Variants in MYO9A observed in about 807,000 individuals in gnomAD.
The protein encoded by MYO9A is unconventional myosin-IXa.
In MYO9A, 103 loss-of-function variants were observed where a neutral mutation model predicts 293.3. That is an observed-to-expected ratio of 0.35 (90% CI 0.30 to 0.41). MYO9A has a LOEUF of 0.41. MYO9A is among the 10% of genes least tolerant of loss of function. MYO9A has a pLI of 1.00. For synonymous variants in MYO9A, 1,001 were observed against 1,035.7 expected (o/e 0.97, Z 0.64); for missense variants, 2,685 against 3,033.0 (o/e 0.89, Z 2.69).
At chr15:72,109,989 T>TAAA (rs56010336) in intron 1 of MYO9A, among the ~76,000 whole-genome samples, 1 of 140,746 alleles carries the variant, frequency 7.1e-6, no homozygotes, top group Non-Finnish European at 1.5e-5. Flanking sequence ...TCCCTTACAT[T>TAAA]AAAAAAAAAA....
Position 71,826,752 on chromosome 15 carries a change from G to A in MYO9A, c.7475C>T (p.Thr2492Ile). Residue 2492 changes from threonine (T) to isoleucine (I), a missense_variant, in exon 42 of 42, where the codon ACC becomes ATC. Physicochemically the swap from Thr to Ile is moderately conservative, Grantham distance 89. Coordinates refer to ENST00000356056, the MANE Select transcript of MYO9A (RefSeq NM_006901.4). ...TTGTTTGCCCTTTTCCGGGTTGAAG[G>A]TTCCTCTGCTGATGAACTGAGGCTT... Reference protein sequence around the residue: ...EDKPQFISRGTFNPEKGKQKL... With the variant: ...EDKPQFISRGIFNPEKGKQKL... The A allele has an allele frequency of 1.2e-6, 2 of 1,614,112 alleles. No homozygotes were observed. The highest frequency in any genetic ancestry group is 2.2e-5 in the East Asian group (1 of 44,880).
chr15:71,826,662 G>A lies in MYO9A; in HGVS notation c.7565C>T (p.Ser2522Phe), dbSNP rs375148658. The change falls in exon 42 of 42, where the codon TCT becomes TTT. Residue 2522 changes from serine (S) to phenylalanine (F), a missense_variant. Physicochemically the swap from Ser to Phe is radical, Grantham distance 155 (BLOSUM62 -2). Transcript: ENST00000356056. ...TKETPEGTVM[S>F]GRRKTVDPDC... ...TGGGTCCACAGTTTTTCTGCGGCCA[G>A]ACATGACTGTCCCCTCTGGGGTCTC... The A allele has an allele frequency of 1.3e-4, 206 of 1,613,790 alleles. No individual in the cohort carries two copies. The highest frequency in any genetic ancestry group is 1.7e-4 in the Non-Finnish European group (200 of 1,179,954).
chr15:72,101,068 G>A, intron 1 of MYO9A, among the ~76,000 whole-genome samples: 1 of 141,654 alleles, frequency 7.1e-6, no homozygotes, highest in East Asian at 2.3e-4. Flanking sequence ...GAGGGAGGTG[G>A]GGGGTTCAGC....
intron 1 of MYO9A, among the ~76,000 whole-genome samples, chr15:72,079,541 A>G (rs1301451384): frequency 3.3e-5 from 5 of 152,206 alleles, no homozygotes; most frequent in African/African-American, 1.2e-4. Context: ...CATATGGTCT[A>G]CAAGTGCATA....
intron 11 of MYO9A, among the ~76,000 whole-genome samples, chr15:71,980,364 A>C (rs931575086): frequency 6.6e-6 from 1 of 152,184 alleles, no homozygotes; most frequent in Admixed American, 6.5e-5. Flanking sequence ...CCCTATAGAC[A>C]TATCTCTCCA....
At chr15:72,024,397 C>T (rs2077599591) in intron 4 of MYO9A, among the ~76,000 whole-genome samples, 1 of 152,186 alleles carries the variant, frequency 6.6e-6, no homozygotes, top group Non-Finnish European at 1.5e-5. Flanking sequence ...CCTCTCACCT[C>T]AGCCTCCTAA....
At chr15:72,081,994 G>C (rs755910496) in intron 1 of MYO9A, among the ~76,000 whole-genome samples, 1 of 152,090 alleles carries the variant, frequency 6.6e-6, no homozygotes, top group Non-Finnish European at 1.5e-5. Flanking sequence ...TTTTTGCTTA[G>C]GATTGCCTTG....
At chr15:72,115,108 T>C (rs2080923761) in intron 1 of MYO9A, among the ~76,000 whole-genome samples, 1 of 152,262 alleles carries the variant, frequency 6.6e-6, no homozygotes, top group Admixed American at 6.5e-5. Flanking sequence ...ATATATTAGA[T>C]AGTGAATCTC....
At chr15:71,994,656 C>T (rs1236446132) in intron 9 of MYO9A, 71 bp from the exon 10 acceptor site, 2 of 807,772 alleles carry the variant, frequency 2.5e-6, no homozygotes, top group Non-Finnish European at 3.8e-6. Context: ...AAGTTGTTTG[C>T]TCCCATTCAA....
chr15:71,935,621 C>A, intron 16 of MYO9A, 137 bp from the exon 17 acceptor site: 1 of 770,592 alleles, frequency 1.3e-6, no homozygotes, highest in Non-Finnish European at 2.0e-6. Flanking sequence ...TGATTTCATC[C>A]AAATGACTGC....
Position 72,067,385 on chromosome 15 carries a change from C to T in MYO9A, c.-71-20751G>A, listed in dbSNP as rs1215488904. ...AGTCCAGTGGCGCAGTATCGACTCA[C>T]TGTAACCTCCGCCTCAGCCTCCCGA... On this transcript the variant is annotated intron_variant, in intron 1 of 41. Coordinates refer to ENST00000356056, the MANE Select transcript of MYO9A (RefSeq NM_006901.4). Among the ~76,000 whole-genome samples the T allele has an allele frequency of 3.9e-5, 6 of 152,044 alleles. No homozygotes were observed. The East Asian group carries it at 1.2e-3, about 29-fold the overall frequency.
chr15:72,069,123 A>G (rs895571432), intron 1 of MYO9A, among the ~76,000 whole-genome samples: 5 of 152,200 alleles, frequency 3.3e-5, no homozygotes, highest in South Asian at 4.1e-4. Flanking sequence ...GATAAGGTAT[A>G]TATCATATCT....
chr15:71,842,810 A>C (rs916359271), intron 39 of MYO9A, among the ~76,000 whole-genome samples: 3 of 151,202 alleles, frequency 2.0e-5, no homozygotes, highest in Non-Finnish European at 4.4e-5. Flanking sequence ...CAGTGAGCTG[A>C]GATAGCACCA....
rs751926364 is a variant in MYO9A at position 71,824,357 on chromosome 15, AT to A, written c.*2222del. On this transcript the variant is annotated 3_prime_UTR_variant, in exon 42 of 42. Coordinates refer to ENST00000356056, the MANE Select transcript of MYO9A (RefSeq NM_006901.4). ...ATTTTGCCAAAAAAGCCCCACAAAG[AT>A]TTAGAAGGAAGAACATGTGCCAACA... 1.3e-5 allele frequency: 2 copies of A among 152,178 alleles called. No homozygotes were observed. The highest frequency in any genetic ancestry group is 2.9e-5 in the Non-Finnish European group (2 of 68,036). The allele number at this position is 152,178 out of a possible 1,614,324, so 9.4% of individuals were successfully genotyped here. A position where few individuals can be genotyped will look rare whatever the true frequency, so the allele number is the denominator to read the frequency against.
At chr15:72,062,375 G>A (rs2078902352) in intron 1 of MYO9A, among the ~76,000 whole-genome samples, 1 of 152,284 alleles carries the variant, frequency 6.6e-6, no homozygotes, top group Non-Finnish European at 1.5e-5. Context: ...GCAGCAGTGA[G>A]CAAACCTAGA....
At chr15:72,103,085 T>C (rs1354589649) in intron 1 of MYO9A, among the ~76,000 whole-genome samples, 1 of 145,772 alleles carries the variant, frequency 6.9e-6, no homozygotes, top group Non-Finnish European at 1.5e-5. Flanking sequence ...GTTCAAGTGA[T>C]TCTCCTCGGC....
intron 39 of MYO9A, among the ~76,000 whole-genome samples, chr15:71,846,478 C>G (rs543085147): frequency 6.6e-6 from 1 of 152,084 alleles, no homozygotes; most frequent in Non-Finnish European, 1.5e-5. Flanking sequence ...GAGAAGAGCA[C>G]TGGATTAAAA....
rs545199703 is a variant in MYO9A, at chr15:72,012,866, C to T, written c.1156-2419G>A. Among the ~76,000 whole-genome samples the T allele has an allele frequency of 5.3e-5, 8 of 152,282 alleles. No individual in the cohort carries two copies. The South Asian group carries it at 1.7e-3, about 32-fold the overall frequency. On this transcript the variant is annotated intron_variant, in intron 6 of 41. Coordinates refer to ENST00000356056, the MANE Select transcript of MYO9A (RefSeq NM_006901.4). ...GTATATAAAATAGTGGGAAAGTACA[C>T]TGAAAGAGGCACTAAAATATGTTTG...
At chr15:71,828,522 C>A (rs141899303) in intron 40 of MYO9A, among the ~76,000 whole-genome samples, 130 of 152,258 alleles carry the variant, frequency 8.5e-4, no homozygotes, top group African/African-American at 3.0e-3. Flanking sequence ...ACCACAGAGA[C>A]CTCTAGACGA....
Sources: gnomAD v4.1 joint callset for allele counts (sites outside exome capture counted in the v4.1 genomes callset) on GRCh38, gnomAD v4.1.1 for gene constraint, MANE v1.5 for transcripts, NCBI Gene and HGNC (gene_info 2026-07-23, HGNC 2026-07-21) for gene names.